The following VPS54 variants were observed in gnomAD, a reference collection of about 807,000 sequenced individuals.
The protein encoded by VPS54 is VPS54 subunit of GARP complex, also known as vacuolar protein sorting-associated protein 54.
VPS54 carries 45 observed loss-of-function variants against 121.5 expected under a neutral mutation model. That is an observed-to-expected ratio of 0.37 (90% CI 0.29 to 0.47). The LOEUF is 0.47. Ranked by LOEUF, VPS54 falls within the 20% of genes least tolerant of loss-of-function variation. The probability of loss-of-function intolerance (pLI) is 0.99; values close to 1 mark genes in which losing one functional copy is unlikely to be tolerated. For missense variants in VPS54, 1,090 were observed against 1,131.4 expected, an observed-to-expected ratio of 0.96 and a Z score of 0.52; for synonymous variants, 371 against 385.8, an observed-to-expected ratio of 0.96 and a Z score of 0.45.
At chr2:63,894,701 CAA>C (rs34352542) in intron 22 of VPS54, among the ~76,000 whole-genome samples, 19 of 114,056 alleles carry the variant, frequency 1.7e-4, no homozygotes, top group East Asian at 2.7e-4. Flanking sequence ...ACCCTGTCTC[CAA>C]AAAAAAAAAA....
chr2:63,990,208 C>T (rs760646003), intron 1 of VPS54, among the ~76,000 whole-genome samples: 1 of 152,178 alleles, frequency 6.6e-6, no homozygotes, highest in African/African-American at 2.4e-5. Flanking sequence ...TCAGCTACTC[C>T]TCCCCCACCT....
rs746952435 is a variant in VPS54, at chr2:64,010,082, T to G, written c.-21+8856A>C. Among the ~76,000 whole-genome samples the G allele has an allele frequency of 3.5e-4, 54 of 152,214 alleles. 1 individual carries two copies. The highest frequency in any genetic ancestry group is 6.8e-4 in the Non-Finnish European group (46 of 68,012). ...GTCTCAAACTCCCGACCTCAGGTGA[T>G]TCGCCCACCTCGGCCTCCCAAAGTG... On this transcript the variant is annotated intron_variant, in intron 1 of 22. Coordinates refer to ENST00000272322, the MANE Select transcript of VPS54 (RefSeq NM_016516.3).
intron 1 of VPS54, among the ~76,000 whole-genome samples, chr2:64,014,817 G>A (rs139554540): frequency 0.012 from 1,866 of 152,172 alleles, 16 homozygotes; most frequent in Non-Finnish European, 0.015. Context: ...AGAAAACTGA[G>A]GCTCAGAAAG....
At chr2:63,979,697 T>TC (rs1418002867) in intron 3 of VPS54, among the ~76,000 whole-genome samples, 3 of 152,236 alleles carry the variant, frequency 2.0e-5, no homozygotes, top group African/African-American at 7.2e-5. Flanking sequence ...TCCATTCAGT[T>TC]CAAACTACTT....
chr2:63,919,837 TAAAC>T, intron 15 of VPS54, 42 bp downstream of exon 15: 2 of 1,386,198 alleles, frequency 1.4e-6, no homozygotes, highest in Non-Finnish European at 2.0e-6. Flanking sequence ...ACAAAATAAA[TAAAC>T]AATATAAAAT....
At chr2:64,017,459 G>C (rs1422255731) in intron 1 of VPS54, among the ~76,000 whole-genome samples, 1 of 151,948 alleles carries the variant, frequency 6.6e-6, no homozygotes, top group Non-Finnish European at 1.5e-5. Context: ...ATCTTATCCA[G>C]AAATCAATTT....
chr2:63,988,125 T>G (rs1677141386), intron 1 of VPS54, among the ~76,000 whole-genome samples: 1 of 152,244 alleles, frequency 6.6e-6, no homozygotes, highest in South Asian at 2.1e-4. Context: ...TTTCAGTTTT[T>G]CCTCATTCAG....
At chr2:63,902,649 T>C (rs535479950) in intron 20 of VPS54, among the ~76,000 whole-genome samples, 8 of 152,062 alleles carry the variant, frequency 5.3e-5, no homozygotes, top group African/African-American at 1.7e-4. Flanking sequence ...AATCCAGATG[T>C]TGAAACGATT....
chr2:63,897,050 T>C (rs751990371), intron 22 of VPS54, among the ~76,000 whole-genome samples: 3 of 152,216 alleles, frequency 2.0e-5, no homozygotes, highest in Non-Finnish European at 2.9e-5. Flanking sequence ...ATACAATCTT[T>C]CAATAGCTTA....
intron 9 of VPS54, among the ~76,000 whole-genome samples, chr2:63,945,480 A>G (rs1674936777): frequency 1.3e-5 from 2 of 152,180 alleles, no homozygotes; most frequent in Non-Finnish European, 2.9e-5. Flanking sequence ...TCTATACCAA[A>G]AAAACTCATG....
intron 1 of VPS54, among the ~76,000 whole-genome samples, chr2:64,011,340 G>C (rs1430694647): frequency 1.3e-5 from 2 of 152,140 alleles, no homozygotes; most frequent in African/African-American, 2.4e-5. Flanking sequence ...GGCTGAGGCA[G>C]GCAGGTCACA....
chr2:63,909,724 GGT>G (rs1673059725), intron 20 of VPS54, among the ~76,000 whole-genome samples: 1 of 102,088 alleles, frequency 9.8e-6, no homozygotes, highest in Non-Finnish European at 2.4e-5. Flanking sequence ...GGCCGTTTTT[GGT>G]TTTTTTTTTT....
At chr2:63,997,463 C>G (rs1477948174) in intron 1 of VPS54, among the ~76,000 whole-genome samples, 1 of 152,192 alleles carries the variant, frequency 6.6e-6, no homozygotes, top group Non-Finnish European at 1.5e-5. Flanking sequence ...TCCATTTCTT[C>G]TAGATTTTGC....
At chr2:63,924,267 A>C (rs1177630955) in intron 12 of VPS54, among the ~76,000 whole-genome samples, 2 of 152,230 alleles carry the variant, frequency 1.3e-5, no homozygotes, top group Non-Finnish European at 2.9e-5. Context: ...CAAGCTAAAG[A>C]CTTATTTCTC....
At chr2:63,933,057 G>C (rs1674287185) in intron 12 of VPS54, among the ~76,000 whole-genome samples, 1 of 152,100 alleles carries the variant, frequency 6.6e-6, no homozygotes, top group African/African-American at 2.4e-5. Context: ...AAGAGAAAAA[G>C]AGAGGGAGGG....
chr2:63,944,757 AAC>A (rs1674899984), intron 9 of VPS54, 102 bp from the exon 10 acceptor site: 1 of 914,942 alleles, frequency 1.1e-6, no homozygotes, highest in Non-Finnish European at 1.6e-6. Context: ...TTACTATATG[AAC>A]AGACACTTTT....
At chr2:63,976,636 A>ATATTTATTTCTTG (rs1334014266) in intron 3 of VPS54, among the ~76,000 whole-genome samples, 2 of 152,020 alleles carry the variant, frequency 1.3e-5, no homozygotes, top group African/African-American at 4.8e-5. Context: ...CCTATTCAGA[A>ATATTTATTTCTTG]TATTTATTTC....
chr2:63,978,725 T>C (rs566833786), intron 3 of VPS54, among the ~76,000 whole-genome samples: 4 of 152,138 alleles, frequency 2.6e-5, no homozygotes, highest in Non-Finnish European at 4.4e-5. Flanking sequence ...GTTCATGGGA[T>C]CCTTCTGCCT....
At position 63,975,191 on chromosome 2, in the gene VPS54, G is replaced by C. The variant is rs553319347; in HGVS notation, c.379-2947C>G. 8 of 587,256 alleles carry C rather than the reference G, an allele frequency of 1.4e-5. No individual in the cohort carries two copies. The East Asian group carries it at 2.0e-4, about 15-fold the overall frequency. The allele number at this position is 587,256 out of a possible 1,614,324, so 36.4% of individuals were successfully genotyped here. A position where few individuals can be genotyped will look rare whatever the true frequency, so the allele number is the denominator to read the frequency against. ...CTCCCAAGTAGCTGAAATCCCCATT[G>C]CAAAATTATAACTGAGACAGTGAAA... is the stretch of plus-strand genomic sequence containing the variant. On this transcript the variant is annotated intron_variant, in intron 3 of 22. Coordinates refer to ENST00000272322, the MANE Select transcript of VPS54 (RefSeq NM_016516.3).
Sources: gnomAD v4.1 joint callset for allele counts (sites outside exome capture counted in the v4.1 genomes callset) on GRCh38, gnomAD v4.1.1 for gene constraint, MANE v1.5 for transcripts, NCBI Gene and HGNC (gene_info 2026-07-23, HGNC 2026-07-21) for gene names.